The following ARID4A variants were observed in gnomAD, a reference collection of about 807,000 sequenced individuals.
The protein encoded by ARID4A is AT-rich interaction domain 4A.
In ARID4A, 39 loss-of-function variants were observed where a neutral mutation model predicts 148.6. The observed-to-expected ratio is 0.26, with a 90% confidence interval of 0.20 to 0.34. The LOEUF is 0.34. Among genes scored for constraint, ARID4A ranks in the 10% least tolerant of loss-of-function variants. The pLI, the probability that ARID4A is intolerant of heterozygous loss-of-function variation, is 1.00. For synonymous variants in ARID4A, 475 were observed against 481.2 expected (o/e 0.99, Z 0.17); for missense variants, 1,265 against 1,449.1 (o/e 0.87, Z 2.06).
intron 19 of ARID4A, among the ~76,000 whole-genome samples, chr14:58,362,724 AT>A (rs2140265892): frequency 1.3e-5 from 2 of 151,960 alleles, no homozygotes; most frequent in South Asian, 4.2e-4. Context: ...TACCTGGCTA[AT>A]TTTTGTATTT....
chr14:58,331,790 T>A (rs1427614753), intron 11 of ARID4A, among the ~76,000 whole-genome samples: 1 of 152,198 alleles, frequency 6.6e-6, no homozygotes, highest in Non-Finnish European at 1.5e-5. Context: ...GATTTTTGTA[T>A]TTTATCTGTA....
intron 5 of ARID4A, among the ~76,000 whole-genome samples, chr14:58,314,161 T>A (rs903365039): frequency 6.6e-6 from 1 of 152,222 alleles, no homozygotes; most frequent in African/African-American, 2.4e-5. Flanking sequence ...TTTCATAGAA[T>A]TATTAAATCC....
chr14:58,314,141 A>ATATT (rs1425227324), intron 5 of ARID4A, among the ~76,000 whole-genome samples: 1 of 152,224 alleles, frequency 6.6e-6, no homozygotes, highest in East Asian at 1.9e-4. Flanking sequence ...TTTTTGGAAA[A>ATATT]TATAAGACAT....
chr14:58,347,729 G>C lies in ARID4A; in HGVS notation c.1255G>C (p.Glu419Gln), dbSNP rs752523201. ...TVHHHEPKVK[E>Q]EKKDLEESME... ...TCATCACCATGAACCAAAAGTAAAA[G>C]AGGAAAAAAAAGACTTAGAAGAATC... Residue 419 changes from glutamate (E) to glutamine (Q), a missense_variant, in exon 15 of 24, where the codon GAG (glutamate) becomes CAG (glutamine). Transcript: ENST00000355431. 6.2e-7 allele frequency: 1 copy of C among 1,613,626 alleles called. No homozygotes were observed. Among genetic ancestry groups the C allele is most frequent in the Non-Finnish European group, 8.5e-7 (1 of 1,179,796 alleles).
rs2034449753 is a variant in ARID4A, at chr14:58,347,896, G to A, written c.1404+18G>A. The A allele has an allele frequency of 3.3e-6, 5 of 1,531,142 alleles. No homozygotes were observed. The highest frequency in any genetic ancestry group is 2.7e-6 in the Non-Finnish European group (3 of 1,121,138). The allele number at this position is 1,531,142 out of a possible 1,614,324, so 94.8% of individuals were successfully genotyped here. A position where few individuals can be genotyped will look rare whatever the true frequency, so the allele number is the denominator to read the frequency against. ...CTCCGAGGGTGAGTTCTTAATACTA[G>A]TTTTATCTGGTTTAAGTATTATTTA... On this transcript the variant is annotated intron_variant, in intron 15 of 23. Transcript: ENST00000355431.
rs367650961 is a variant in ARID4A at position 58,350,484 on chromosome 14, C to G, written c.1405-589C>G. 2.6e-5 allele frequency among the ~76,000 whole-genome samples: 4 copies of G among 152,284 alleles called. 1 individual carries two copies. On this transcript the variant is annotated intron_variant, in intron 15 of 23. Coordinates refer to ENST00000355431, the MANE Select transcript of ARID4A (RefSeq NM_002892.4). ...TAGATAGAAGCTAGTGGTGGTAAAA[C>G]ATATTGCTGTTGGCCCAGCGAGCTC...
At chr14:58,346,558 T>G in intron 13 of ARID4A, 53 bp downstream of exon 13, 1 of 1,152,950 alleles carries the variant, frequency 8.7e-7, no homozygotes, top group Non-Finnish European at 1.3e-6. Context: ...AAAAGTTAAG[T>G]TATCTTATAT....
chr14:58,362,926 T>C (rs1041601442), intron 19 of ARID4A, among the ~76,000 whole-genome samples: 6 of 152,148 alleles, frequency 3.9e-5, no homozygotes, highest in Non-Finnish European at 8.8e-5. Context: ...AAAGCTATAC[T>C]GAACTACATG....
chr14:58,371,324 G>T (rs2035603126), intron 23 of ARID4A, among the ~76,000 whole-genome samples: 1 of 152,096 alleles, frequency 6.6e-6, no homozygotes, highest in Non-Finnish European at 1.5e-5. Context: ...TAAAAGCAAA[G>T]AACTTAAAAA....
At chr14:58,370,445 C>T (rs773124035) in intron 23 of ARID4A, among the ~76,000 whole-genome samples, 16 of 151,556 alleles carry the variant, frequency 1.1e-4, no homozygotes, top group Admixed American at 3.9e-4. Flanking sequence ...TACAGGTGCC[C>T]GCCACCATGC....
intron 2 of ARID4A, among the ~76,000 whole-genome samples, chr14:58,300,370 T>TACTTAC (rs2031046663): frequency 1.3e-5 from 2 of 152,058 alleles, no homozygotes; most frequent in Non-Finnish European, 2.9e-5. Flanking sequence ...TTAAAACATA[T>TACTTAC]ACTAAAAAGA....
intron 15 of ARID4A, among the ~76,000 whole-genome samples, chr14:58,349,276 A>G (rs1483653085): frequency 2.0e-5 from 3 of 152,158 alleles, no homozygotes; most frequent in Admixed American, 1.3e-4. Flanking sequence ...CCTACATAAA[A>G]TATCTGCAGT....
At chr14:58,316,092 A>G (rs1352674434) in intron 5 of ARID4A, among the ~76,000 whole-genome samples, 1 of 152,224 alleles carries the variant, frequency 6.6e-6, no homozygotes, top group Non-Finnish European at 1.5e-5. Context: ...ATTTGAAGGC[A>G]AAGTGTTTGC....
At position 58,305,095 on chromosome 14, in the gene ARID4A, A is replaced by G. The variant is rs140136519; in HGVS notation, c.183+86A>G. ...ATTTACATTTCTACATAGACTTAAC[A>G]TTTTATGAGAACGTTAATCAGAAAA... On this transcript the variant is annotated intron_variant, in intron 4 of 23. Transcript: ENST00000355431. The G allele has an allele frequency of 7.0e-4, 779 of 1,120,344 alleles. 5 individuals are homozygous for G. The African/African-American group carries it at 0.011, about 16-fold the overall frequency. The allele number at this position is 1,120,344 out of a possible 1,614,324, so 69.4% of individuals were successfully genotyped here.
intron 12 of ARID4A, among the ~76,000 whole-genome samples, chr14:58,345,762 A>G (rs372193820): frequency 1.0e-5 from 1 of 99,762 alleles, no homozygotes. Flanking sequence ...ACAGAGTCTT[A>G]CTCTGTCACT....
rs541879306 is a variant in ARID4A at position 58,322,647 on chromosome 14, A to G, written c.450-838A>G. On this transcript the variant is annotated intron_variant, in intron 7 of 23. Coordinates refer to ENST00000355431, the MANE Select transcript of ARID4A (RefSeq NM_002892.4). The stretch of plus-strand genomic sequence containing the variant: ...ACTTTAATAAACTCCAACATTATCA[A>G]TATATTGCAGGATGTCTTAAAAATG... Among the ~76,000 whole-genome samples the G allele has an allele frequency of 3.3e-5, 5 of 152,208 alleles. 1 individual carries two copies. In the South Asian group the frequency reaches 6.2e-4, roughly 19 times the overall value.
rs374477061 is a variant in ARID4A at position 58,360,588 on chromosome 14, A to T, written c.1939-313A>T. Among the ~76,000 whole-genome samples, 143 of 152,330 alleles carry T rather than the reference A, an allele frequency of 9.4e-4. 1 individual carries two copies. Among genetic ancestry groups the T allele is most frequent in the African/African-American group, 3.3e-3 (137 of 41,580 alleles). Reference sequence around the variant, plus strand: ...GCGGAATAGTTGTATAGTCTTCTAAAGCTCTAACTGACCATCACAATATAA... The same window carrying T: ...GCGGAATAGTTGTATAGTCTTCTAATGCTCTAACTGACCATCACAATATAA... On this transcript the variant is annotated intron_variant, in intron 18 of 23. Transcript: ENST00000355431.
chr14:58,314,011 T>G (rs1328595697), intron 5 of ARID4A, among the ~76,000 whole-genome samples: 1 of 152,222 alleles, frequency 6.6e-6, no homozygotes, highest in African/African-American at 2.4e-5. Context: ...AGGTATTCCT[T>G]AATTCAGTCA....
chr14:58,359,152 C>A lies in ARID4A; in HGVS notation c.1874C>A (p.Ala625Asp). The stretch of plus-strand genomic sequence containing the variant: ...TTAAGGTATGATGAGTGGGTGAAGG[C>A]TGACAGGATAATCTGGCCTTTGGAC... ...WNVRYDEWVK[A>D]DRIIWPLDKG... Residue 625 changes from alanine to aspartate, a missense_variant, in exon 18 of 24, where the codon GCT becomes GAT. This residue lies in a region of ARID4A where 666 missense variants were observed against 730.9 expected (regional missense o/e 0.91). Transcript: ENST00000355431. 1 of 1,496,160 alleles carries A rather than the reference C, an allele frequency of 6.7e-7. No homozygotes were observed. The highest frequency in any genetic ancestry group is 9.0e-7 in the Non-Finnish European group (1 of 1,105,524). The allele number at this position is 1,496,160 out of a possible 1,614,324, so 92.7% of individuals were successfully genotyped here.
Sources: gnomAD v4.1 joint callset for allele counts (sites outside exome capture counted in the v4.1 genomes callset) on GRCh38, gnomAD v4.1.1 for gene constraint, gnomAD v4.1.1 regional missense constraint, MANE v1.5 for transcripts, NCBI Gene and HGNC (gene_info 2026-07-23, HGNC 2026-07-21) for gene names.